ZSWIM5: variants seen among roughly 807,000 people sequenced by gnomAD.
ZSWIM5 encodes the protein zinc finger SWIM domain-containing protein 5.
ZSWIM5 carries 55 observed loss-of-function variants against 119.6 expected under a neutral mutation model. The observed-to-expected ratio is 0.46, with a 90% confidence interval of 0.37 to 0.58. The LOEUF (loss-of-function observed/expected upper bound fraction) is 0.58, where lower values mean the gene tolerates loss of function less well. Ranked by LOEUF, ZSWIM5 falls within the 20% of genes least tolerant of loss-of-function variation. ZSWIM5 has a pLI of 0.00. For synonymous variants in ZSWIM5, 537 were observed against 606.9 expected (o/e 0.88, Z 1.69); for missense variants, 1,193 against 1,512.8 (o/e 0.79, Z 3.51).
At chr1:45,031,969 T>G (rs558265440) in intron 11 of ZSWIM5, among the ~76,000 whole-genome samples, 5 of 152,186 alleles carry the variant, frequency 3.3e-5, no homozygotes, top group East Asian at 1.9e-4. Flanking sequence ...CATTTTCATA[T>G]AGTCAAAAGA....
intron 1 of ZSWIM5, among the ~76,000 whole-genome samples, chr1:45,113,756 A>G (rs1022412960): frequency 2.0e-5 from 3 of 152,230 alleles, no homozygotes; most frequent in African/African-American, 4.8e-5. Context: ...CACCAGACCT[A>G]TATTTCCAAC....
Position 45,206,529 on chromosome 1 carries a change from C to T in ZSWIM5, c.-179G>A, listed in dbSNP as rs1646193685. 1 of 1,040,342 alleles carries T rather than the reference C, an allele frequency of 9.6e-7. No individual in the cohort carries two copies. The highest frequency in any genetic ancestry group is 1.7e-5 in the African/African-American group (1 of 58,416). The allele number at this position is 1,040,342 out of a possible 1,614,324, so 64.4% of individuals were successfully genotyped here. A position where few individuals can be genotyped will look rare whatever the true frequency, so the allele number is the denominator to read the frequency against. On this transcript the variant is annotated 5_prime_UTR_variant, in exon 1 of 14. Coordinates refer to ENST00000359600, the MANE Select transcript of ZSWIM5 (RefSeq NM_020883.2). ...ACCGCGGCCGGGCCCGGGAGCGCGC[C>T]GCGAGGGCAGACGCGGGCGGCCTGC...
chr1:45,070,587 A>G (rs2149004570), intron 2 of ZSWIM5, among the ~76,000 whole-genome samples: 2 of 152,252 alleles, frequency 1.3e-5, no homozygotes, highest in South Asian at 4.2e-4. Context: ...ATAGGTTGCA[A>G]TATCTTTTTA....
chr1:45,165,588 A>G (rs1241720041), intron 1 of ZSWIM5, among the ~76,000 whole-genome samples: 1 of 152,122 alleles, frequency 6.6e-6, no homozygotes, highest in East Asian at 1.9e-4. Flanking sequence ...ATAAAGAAGC[A>G]AAGAGGGAAG....
chr1:45,139,355 TC>T (rs1303636821), intron 1 of ZSWIM5, among the ~76,000 whole-genome samples: 1 of 151,494 alleles, frequency 6.6e-6, no homozygotes, highest in Non-Finnish European at 1.5e-5. Context: ...AATTTCTCTT[TC>T]TTTTCTTTTC....
At chr1:45,115,730 G>A (rs1645552663) in intron 1 of ZSWIM5, among the ~76,000 whole-genome samples, 1 of 150,620 alleles carries the variant, frequency 6.6e-6, no homozygotes, top group South Asian at 2.1e-4. Context: ...CTTCCCAGAC[G>A]GGATGGCGGC....
At chr1:45,056,204 G>A (rs928251933) in intron 4 of ZSWIM5, among the ~76,000 whole-genome samples, 3 of 152,192 alleles carry the variant, frequency 2.0e-5, no homozygotes, top group African/African-American at 7.2e-5. Flanking sequence ...ATTTTTTAAA[G>A]AAGTGTTATT....
chr1:45,026,120 G>A (rs1243052692), intron 11 of ZSWIM5, among the ~76,000 whole-genome samples: 2 of 152,060 alleles, frequency 1.3e-5, no homozygotes, highest in Non-Finnish European at 2.9e-5. Flanking sequence ...CTGCAGCCTT[G>A]ACTTCCCAGG....
intron 1 of ZSWIM5, among the ~76,000 whole-genome samples, chr1:45,180,229 C>G (rs1226733): frequency 3.9e-5 from 6 of 152,042 alleles, no homozygotes; most frequent in Non-Finnish European, 5.9e-5. Context: ...CACTCCCACC[C>G]GAATACTGCG....
Position 45,206,172 on chromosome 1 carries a change from A to G in ZSWIM5, c.179T>C (p.Leu60Pro). ...SCLVLGARPH[L>P]QPDSLLDCAA... ...GCAGTCCAGTAAGGAATCCGGCTGC[A>G]GGTGGGGGCGGGCCCCGAGGACCAG... Residue 60 changes from leucine to proline, a missense_variant, in exon 1 of 14, where the codon CTG becomes CCG. Coordinates refer to ENST00000359600, the MANE Select transcript of ZSWIM5 (RefSeq NM_020883.2). 1.2e-6 allele frequency: 2 copies of G among 1,605,984 alleles called. No individual in the cohort carries two copies. The highest frequency in any genetic ancestry group is 8.5e-7 in the Non-Finnish European group (1 of 1,177,296).
chr1:45,193,955 T>TATATATATATATATATAC, intron 1 of ZSWIM5, among the ~76,000 whole-genome samples: 1 of 151,780 alleles, frequency 6.6e-6, no homozygotes, highest in African/African-American at 2.4e-5. Flanking sequence ...TATATATATA[T>TATATATATATATATATAC]ACATACATGC....
At chr1:45,048,082 C>CT (rs1187025417) in intron 5 of ZSWIM5, among the ~76,000 whole-genome samples, 1,179 of 85,260 alleles carry the variant, frequency 0.014, 102 homozygotes, top group African/African-American at 0.036. Flanking sequence ...TTTCTTTTCT[C>CT]TTTTTTTTTT....
Position 45,088,049 on chromosome 1 carries a change from C to T in ZSWIM5, c.784G>A (p.Val262Ile). The T allele has an allele frequency of 6.2e-7, 1 of 1,614,170 alleles. No individual in the cohort carries two copies. The highest frequency in any genetic ancestry group is 8.5e-7 in the Non-Finnish European group (1 of 1,180,026). ...TCGGAGATAGGAAGACGCAATTTGA[C>T]TTGGTCTGGTTTACGGATCCTGTAG... Reference protein sequence around the residue: ...SLYRIRKPDQVKLRLPISETL... With the variant: ...SLYRIRKPDQIKLRLPISETL... Residue 262 changes from valine to isoleucine, a missense_variant, in exon 2 of 14, where the codon GTC becomes ATC. This residue lies in a region of ZSWIM5 where 961 missense variants were observed against 1,290.0 expected (regional missense o/e 0.74). Coordinates refer to ENST00000359600, the MANE Select transcript of ZSWIM5 (RefSeq NM_020883.2). This position sits in a 1 kb window ranked among gnomAD's most constrained non-coding sequence, Gnocchi z 4.2.
At chr1:45,189,878 A>C (rs115600052) in intron 1 of ZSWIM5, among the ~76,000 whole-genome samples, 2,626 of 152,356 alleles carry the variant, frequency 0.017, 39 homozygotes, top group Non-Finnish European at 0.027. Context: ...AAAGTAAAGT[A>C]ACATCAGGGA....
At chr1:45,191,210 GGCGTGAGCCACC>G in intron 1 of ZSWIM5, among the ~76,000 whole-genome samples, 1 of 152,168 alleles carries the variant, frequency 6.6e-6, no homozygotes, top group South Asian at 2.1e-4. Context: ...TGGGATTACA[GGCGTGAGCCACC>G]GCGCCCGGCC....
chr1:45,059,356 C>T (rs1346393813), intron 3 of ZSWIM5, among the ~76,000 whole-genome samples: 1 of 152,124 alleles, frequency 6.6e-6, no homozygotes, highest in Non-Finnish European at 1.5e-5. Context: ...TGCTATGACA[C>T]TGATGAATCT....
At chr1:45,112,659 G>A (rs1217313820) in intron 1 of ZSWIM5, among the ~76,000 whole-genome samples, 1 of 152,198 alleles carries the variant, frequency 6.6e-6, no homozygotes, top group Non-Finnish European at 1.5e-5. Flanking sequence ...TTCCCTAAGT[G>A]TAGTAACTCT....
chr1:45,066,193 C>A (rs1645182712), intron 2 of ZSWIM5, among the ~76,000 whole-genome samples: 1 of 151,924 alleles, frequency 6.6e-6, no homozygotes, highest in Admixed American at 6.6e-5. Context: ...GACATGAACT[C>A]TTCATTTTTT....
intron 1 of ZSWIM5, among the ~76,000 whole-genome samples, chr1:45,108,185 T>C (rs1226018304): frequency 1.3e-5 from 2 of 152,198 alleles, no homozygotes; most frequent in Non-Finnish European, 2.9e-5. Context: ...GGAGAAATAA[T>C]GTGCACACAT....
Sources: allele counts gnomAD v4.1 joint callset (sites outside exome capture counted in the v4.1 genomes callset), GRCh38; gene constraint gnomAD v4.1.1; regional missense constraint gnomAD v4.1.1; non-coding constraint Gnocchi (gnomAD v3.1); transcripts MANE v1.5; gene names NCBI Gene and HGNC (gene_info 2026-07-23, HGNC 2026-07-21).